SECISBP2L: variants seen among roughly 807,000 people sequenced by gnomAD.
The protein encoded by SECISBP2L is selenocysteine insertion sequence-binding protein 2-like.
SECISBP2L carries 43 observed loss-of-function variants against 114.7 expected under a neutral mutation model. That is an observed-to-expected ratio of 0.38 (90% confidence interval 0.29 to 0.48). The LOEUF is 0.48. SECISBP2L is among the 20% of genes least tolerant of loss of function. The pLI, the probability that SECISBP2L is intolerant of heterozygous loss-of-function variation, is 0.98. For missense variants in SECISBP2L, 1,136 were observed against 1,301.1 expected (o/e 0.87, Z 1.95); for synonymous variants, 451 against 439.7 (o/e 1.03, Z -0.32).
chr15:49,040,200 A>C (rs938859707), intron 1 of SECISBP2L, among the ~76,000 whole-genome samples: 1 of 152,226 alleles, frequency 6.6e-6, no homozygotes, highest in Non-Finnish European at 1.5e-5. Context: ...GCACATATAC[A>C]CAGTATGTGC....
Position 49,031,287 on chromosome 15 carries a change from G to C in SECISBP2L, c.664+1678C>G, listed in dbSNP as rs181594179. 2.0e-3 allele frequency among the ~76,000 whole-genome samples: 299 copies of C among 152,018 alleles called. 1 individual carries two copies. Among genetic ancestry groups the C allele is most frequent in the South Asian group, 0.017 (81 of 4,810 alleles). ...TAGTCTCGAACTCCAGACCTCAAGTGATCTGTCTGCCTCGGCCTCCCAAAA... is the reference window on the plus strand; with the variant it reads ...TAGTCTCGAACTCCAGACCTCAAGTCATCTGTCTGCCTCGGCCTCCCAAAA... On this transcript the variant is annotated intron_variant, in intron 4 of 17. Transcript: ENST00000559471.
At chr15:49,030,981 T>G (rs1902871501) in intron 4 of SECISBP2L, among the ~76,000 whole-genome samples, 1 of 151,972 alleles carries the variant, frequency 6.6e-6, no homozygotes, top group South Asian at 2.1e-4. Context: ...CCAAAATCAC[T>G]TTGAACATGA....
chr15:48,996,683 G>A, intron 16 of SECISBP2L, 97 bp from the exon 17 acceptor site: 1 of 1,012,784 alleles, frequency 9.9e-7, no homozygotes, highest in East Asian at 2.4e-5. Context: ...TTCAGGGTCA[G>A]ACACTTTCAA....
At chr15:49,011,544 G>A in intron 13 of SECISBP2L, 187 bp downstream of exon 13, 2 of 621,786 alleles carry the variant, frequency 3.2e-6, no homozygotes, top group Non-Finnish European at 5.4e-6. Context: ...TATAATACCT[G>A]TCCCCTTCTC....
intron 4 of SECISBP2L, 60 bp downstream of exon 4, chr15:49,032,905 A>G: frequency 6.3e-7 from 1 of 1,589,218 alleles, no homozygotes; most frequent in South Asian, 1.1e-5. Context: ...CACAATTATA[A>G]AGTGAATGAA....
intron 5 of SECISBP2L, 97 bp from the exon 6 acceptor site, chr15:49,028,265 C>A: frequency 9.3e-7 from 1 of 1,075,738 alleles, no homozygotes; most frequent in East Asian, 2.6e-5. Flanking sequence ...GTGAAGCATG[C>A]ATATCACAAT....
chr15:49,031,061 C>CTTTTTTTTTTTTTT (rs1566861328), intron 4 of SECISBP2L, among the ~76,000 whole-genome samples: 1 of 77,040 alleles, frequency 1.3e-5, no homozygotes, highest in East Asian at 4.4e-4. Flanking sequence ...TTTTTTTTTT[C>CTTTTTTTTTTTTTT]CCTTTTGAGA....
intron 1 of SECISBP2L, among the ~76,000 whole-genome samples, chr15:49,042,049 T>A (rs1207554367): frequency 6.6e-6 from 1 of 152,306 alleles, no homozygotes; most frequent in East Asian, 1.9e-4. Context: ...TACTTTTCCT[T>A]TTTAAAAAAC....
intron 1 of SECISBP2L, among the ~76,000 whole-genome samples, chr15:49,042,954 G>A (rs1458696336): frequency 6.6e-6 from 1 of 152,174 alleles, no homozygotes; most frequent in East Asian, 1.9e-4. Flanking sequence ...CTTGAACTGG[G>A]AAGGCGAGGT....
intron 17 of SECISBP2L, among the ~76,000 whole-genome samples, chr15:48,994,841 GGA>G (rs767190995): frequency 0.034 from 3,694 of 108,722 alleles, 62 homozygotes; most frequent in South Asian, 0.053. Flanking sequence ...TAAGTGCTGG[GGA>G]AAAAAAAAAA....
rs903087818 is a variant in SECISBP2L, at chr15:48,989,229, A to AG, written c.*3014dup. The AG allele has an allele frequency of 6.6e-6, 1 of 152,566 alleles. No individual in the cohort carries two copies. Among genetic ancestry groups the AG allele is most frequent in the African/African-American group, 2.4e-5 (1 of 41,442 alleles). 9.5% of individuals were successfully genotyped at this position (152,566 alleles called of 1,614,324 possible). A position where few individuals can be genotyped will look rare whatever the true frequency, so the allele number is the denominator to read the frequency against. On this transcript the variant is annotated 3_prime_UTR_variant, in exon 18 of 18. Coordinates refer to ENST00000559471, the MANE Select transcript of SECISBP2L (RefSeq NM_001193489.2). The stretch of plus-strand genomic sequence containing the variant: ...TTAAGATTGAACAGTTTCATGTTAA[A>AG]GAGTTGAAAATGAGTGTAGCATTCA...
Position 48,990,005 on chromosome 15 carries a change from T to C in SECISBP2L, c.*2239A>G, listed in dbSNP as rs1431797575. On this transcript the variant is annotated 3_prime_UTR_variant, in exon 18 of 18. Coordinates refer to ENST00000559471, the MANE Select transcript of SECISBP2L (RefSeq NM_001193489.2). Reference sequence around the variant, plus strand: ...GGTGACCTGTCTCATAAAAAGGCTATGGTCCCTTGGATTTGCTGGCAGAAG... The same window carrying C: ...GGTGACCTGTCTCATAAAAAGGCTACGGTCCCTTGGATTTGCTGGCAGAAG... 2 of 152,668 alleles carry C rather than the reference T, an allele frequency of 1.3e-5. No individual in the cohort carries two copies. Among genetic ancestry groups the C allele is most frequent in the Non-Finnish European group, 2.9e-5 (2 of 68,046 alleles). The allele number at this position is 152,668 out of a possible 1,614,324, so 9.5% of individuals were successfully genotyped here. A position where few individuals can be genotyped will look rare whatever the true frequency, so the allele number is the denominator to read the frequency against.
In SECISBP2L at chr15:49,012,757, CT is replaced by C; in HGVS notation, c.1621del (p.Ser541ValfsTer5). 6.2e-7 allele frequency: 1 copy of C among 1,613,836 alleles called. No individual in the cohort carries two copies. Among genetic ancestry groups the C allele is most frequent in the Non-Finnish European group, 8.5e-7 (1 of 1,179,900 alleles). On this transcript the variant is annotated frameshift_variant, in exon 12 of 18. Transcript: ENST00000559471. LOFTEE classifies it high-confidence loss of function. Reference sequence around the variant, plus strand: ...ATTAAAGGATGTCAAACAGGGCTGACTTTTGGTTAAAGGTTTTCTATTAGTA... The same window carrying C: ...ATTAAAGGATGTCAAACAGGGCTGACTTTGGTTAAAGGTTTTCTATTAGTA... Reference protein sequence around the residue: ...DSTNRKPLTKSQPCLTSFNSV... With the variant: ...DSTNRKPLTKXQPCLTSFNSV...
At chr15:49,024,036 A>G (rs923987339) in intron 7 of SECISBP2L, among the ~76,000 whole-genome samples, 1 of 152,062 alleles carries the variant, frequency 6.6e-6, no homozygotes, top group Non-Finnish European at 1.5e-5. Context: ...AAGTTTTTGG[A>G]TTCTTTCCAT....
chr15:49,009,503 A>T (rs984379527), intron 13 of SECISBP2L, 125 bp from the exon 14 acceptor site: 9 of 838,974 alleles, frequency 1.1e-5, no homozygotes, highest in Non-Finnish European at 1.7e-5. Context: ...CCAGAAGCTA[A>T]TAAGGTGGGC....
Position 48,996,985 on chromosome 15 carries a change from A to G in SECISBP2L, c.2404-399T>C, listed in dbSNP as rs139281116. Among the ~76,000 whole-genome samples, 595 of 152,334 alleles carry G rather than the reference A, an allele frequency of 3.9e-3. 6 individuals are homozygous for G. Among genetic ancestry groups the G allele is most frequent in the African/African-American group, 0.014 (574 of 41,564 alleles). On this transcript the variant is annotated intron_variant, in intron 16 of 17. Coordinates refer to ENST00000559471, the MANE Select transcript of SECISBP2L (RefSeq NM_001193489.2). ...GTAAGAGACACCTATAATGCAAGGC[A>G]TAACACCTTACATGCCTTGAGAGGT...
chr15:48,992,856 G>T lies in SECISBP2L; in HGVS notation c.2694C>A (p.Ser898=), dbSNP rs776948494. 2.5e-6 allele frequency: 4 copies of T among 1,614,018 alleles called. No homozygotes were observed. In the South Asian group the frequency reaches 4.4e-5, roughly 18 times the overall value. Residue 898 remains serine, a synonymous_variant, in exon 18 of 18, where the codon TCC becomes TCA. Transcript: ENST00000559471. ...GTTTTTCAGAAGTGCTGTGCTTACA[G>T]GATACCTCTTTCTCATTTTCTGATG... is the stretch of plus-strand genomic sequence containing the variant. ...LEASENEKEV[S]CKHSTSEKPS...
Position 48,997,762 on chromosome 15 carries a change from G to A in SECISBP2L, c.2404-1176C>T, listed in dbSNP as rs1191444783. ...TGCATGCCTGTAATCCCAGCTACTC[G>A]GGAGGCTGAGGCAGGAGAATCACTT... On this transcript the variant is annotated intron_variant, in intron 16 of 17. Coordinates refer to ENST00000559471, the MANE Select transcript of SECISBP2L (RefSeq NM_001193489.2). 3.9e-5 allele frequency among the ~76,000 whole-genome samples: 6 copies of A among 152,092 alleles called. No individual in the cohort carries two copies. The East Asian group carries it at 9.7e-4, about 24-fold the overall frequency.
At chr15:49,026,309 C>T (rs1442801570) in intron 7 of SECISBP2L, among the ~76,000 whole-genome samples, 1 of 151,942 alleles carries the variant, frequency 6.6e-6, no homozygotes, top group Non-Finnish European at 1.5e-5. Flanking sequence ...GTTCTATAGC[C>T]CTGGTAGAGT....
Sources: allele counts gnomAD v4.1 joint callset (sites outside exome capture counted in the v4.1 genomes callset), GRCh38; gene constraint gnomAD v4.1.1; transcripts MANE v1.5; gene names NCBI Gene and HGNC (gene_info 2026-07-23, HGNC 2026-07-21).